Variants in TMCO5A observed in about 807,000 individuals in gnomAD.
TMCO5A encodes transmembrane and coiled-coil domain-containing protein 5A.
A neutral mutation model predicts 42.3 loss-of-function variants in TMCO5A; 34 were observed. The observed-to-expected ratio is 0.80, with a 90% CI of 0.61 to 1.07. The LOEUF (loss-of-function observed/expected upper bound fraction) is 1.07, where lower values mean the gene tolerates loss of function less well. Among genes scored for constraint, TMCO5A ranks in the 50% least tolerant of loss-of-function variants. The pLI, the probability that TMCO5A is intolerant of heterozygous loss-of-function variation, is 0.00. For missense variants in TMCO5A, 357 were observed against 327.9 expected, an observed-to-expected ratio of 1.09 and a Z score of -0.69; for synonymous variants, 131 against 115.6, an observed-to-expected ratio of 1.13 and a Z score of -0.86.
At chr15:37,941,361 A>G (rs1328387558) in intron 7 of TMCO5A, among the ~76,000 whole-genome samples, 156 bp downstream of exon 7, 2 of 152,118 alleles carry the variant, frequency 1.3e-5, no homozygotes, top group African/African-American at 4.8e-5. Context: ...GATAAGCACA[A>G]TCCCTGAGGT....
At chr15:38,031,359 A>G in the TMCO5A span, among the ~76,000 whole-genome samples, 3 of 152,138 alleles carry the variant, frequency 2.0e-5, no homozygotes, top group Non-Finnish European at 4.4e-5. Context: ...TGGTCTTCAC[A>G]TCTTTGTCCC....
the TMCO5A span, among the ~76,000 whole-genome samples, chr15:37,996,086 C>A: frequency 6.6e-5 from 10 of 152,164 alleles, no homozygotes; most frequent in Non-Finnish European, 1.5e-4. Flanking sequence ...ACCCCACTTC[C>A]CAGGGAGATA....
the TMCO5A span, among the ~76,000 whole-genome samples, chr15:38,014,031 C>A: frequency 3.3e-5 from 5 of 152,172 alleles, no homozygotes; most frequent in Admixed American, 6.5e-5. Flanking sequence ...TCTGTCCTCA[C>A]ATTATCTGAC....
chr15:38,038,014 AAAAAAAAAAAT>A, the TMCO5A span, among the ~76,000 whole-genome samples: 1 of 149,786 alleles, frequency 6.7e-6, no homozygotes, highest in Non-Finnish European at 1.5e-5. Context: ...CTCCGTCTCA[AAAAAAAAAAAT>A]AAAAAAAAAA....
At chr15:37,967,779 T>G (rs1300541117), downstream of TMCO5A, 1 of 152,128 alleles carries the variant, frequency 6.6e-6, no homozygotes, top group Non-Finnish European at 1.5e-5. Context: ...GCTCCTAAAT[T>G]GTCAGGAGCC....
At chr15:37,987,634 G>A in the TMCO5A span, among the ~76,000 whole-genome samples, 1 of 151,824 alleles carries the variant, frequency 6.6e-6, no homozygotes, top group South Asian at 2.1e-4. Flanking sequence ...CTTTCCCCCA[G>A]TGAATTGTCT....
At chr15:37,988,002 GTCTT>G in the TMCO5A span, among the ~76,000 whole-genome samples, 2 of 151,854 alleles carry the variant, frequency 1.3e-5, no homozygotes, top group African/African-American at 2.4e-5. Context: ...AATGTAAAAT[GTCTT>G]TCTATTTATT....
chr15:37,978,827 T>TGTAC, the TMCO5A span, among the ~76,000 whole-genome samples: 30,976 of 151,892 alleles, frequency 0.2, 6,553 homozygotes, highest in African/African-American at 0.55. Context: ...TTCGGCCGGC[T>TGTAC]AGGAAGCATG....
downstream of TMCO5A, among the ~76,000 whole-genome samples, chr15:37,971,029 C>A (rs545084463): frequency 5.3e-5 from 8 of 152,348 alleles, no homozygotes; most frequent in Admixed American, 2.6e-4. Flanking sequence ...CTTCTCACAG[C>A]TCCACTAGGC....
downstream of TMCO5A, among the ~76,000 whole-genome samples, chr15:37,954,237 C>T (rs761396671): frequency 6.6e-6 from 1 of 151,904 alleles, no homozygotes; most frequent in African/African-American, 2.4e-5. Flanking sequence ...CCGAAGAAGA[C>T]TATGTCAAGG....
the TMCO5A span, among the ~76,000 whole-genome samples, chr15:37,988,258 A>C: frequency 6.6e-6 from 1 of 151,916 alleles, no homozygotes; most frequent in Non-Finnish European, 1.5e-5. Flanking sequence ...AAATCTTTAG[A>C]GTTTTCCATG....
chr15:38,036,758 C>T, the TMCO5A span, among the ~76,000 whole-genome samples: 1 of 152,080 alleles, frequency 6.6e-6, no homozygotes, highest in African/African-American at 2.4e-5. Flanking sequence ...TGTTCCTATC[C>T]CTGCTAGAGG....
the TMCO5A span, among the ~76,000 whole-genome samples, chr15:38,002,165 T>C: frequency 6.6e-6 from 1 of 152,128 alleles, no homozygotes; most frequent in Non-Finnish European, 1.5e-5. Flanking sequence ...CTCCTTCATG[T>C]TTGAAGGATA....
At chr15:37,979,310 T>C in the TMCO5A span, among the ~76,000 whole-genome samples, 104 of 152,070 alleles carry the variant, frequency 6.8e-4, 1 homozygote, top group African/African-American at 2.4e-3. Context: ...GAGCAGGAGC[T>C]ATAGAGAACA....
the TMCO5A span, among the ~76,000 whole-genome samples, chr15:38,000,085 G>A: frequency 2.0e-5 from 3 of 152,118 alleles, no homozygotes; most frequent in Admixed American, 6.5e-5. Flanking sequence ...AATAGTTTGA[G>A]TAGAATTGGT....
intron 11 of TMCO5A, among the ~76,000 whole-genome samples, chr15:37,950,776 T>C (rs1204739451): frequency 6.6e-6 from 1 of 151,744 alleles, no homozygotes; most frequent in African/African-American, 2.4e-5. Flanking sequence ...AAACCAAAAA[T>C]AAACAAAACA....
At chr15:37,946,761 A>T (rs758159109) in intron 10 of TMCO5A, among the ~76,000 whole-genome samples, 2 of 151,994 alleles carry the variant, frequency 1.3e-5, no homozygotes, top group Non-Finnish European at 2.9e-5. Context: ...GACTGAGATG[A>T]TGGGGTTTTC....
chr15:37,996,563 TA>T, the TMCO5A span, among the ~76,000 whole-genome samples: 23 of 152,216 alleles, frequency 1.5e-4, no homozygotes, highest in Middle Eastern at 3.2e-3. Context: ...TTAAGCATGC[TA>T]AATAGTGCTT....
chr15:37,994,705 G>A, the TMCO5A span: 32 of 152,200 alleles, frequency 2.1e-4, no homozygotes, highest in East Asian at 7.7e-4. Flanking sequence ...CCTTCAGATC[G>A]TCATCAGCCC....
Sources: allele counts gnomAD v4.1 joint callset (sites outside exome capture counted in the v4.1 genomes callset), GRCh38; gene constraint gnomAD v4.1.1; transcripts MANE v1.5; gene names NCBI Gene and HGNC (gene_info 2026-07-23, HGNC 2026-07-21).